MBD5: variants seen among roughly 807,000 people sequenced by gnomAD.
MBD5 encodes methyl-CpG binding domain protein 5.
A neutral mutation model predicts 117.3 loss-of-function variants in MBD5; 13 were observed. The ratio of observed to expected loss-of-function variants is 0.11; its 90% CI spans 0.07 to 0.18. MBD5 has a LOEUF of 0.18. MBD5 is among the 10% of genes least tolerant of loss of function. The pLI, the probability that MBD5 is intolerant of heterozygous loss-of-function variation, is 1.00. For synonymous variants in MBD5, 727 were observed against 766.4 expected (o/e 0.95, Z 0.85); for missense variants, 1,879 against 2,093.8 (o/e 0.90, Z 2.00).
intron 2 of MBD5, among the ~76,000 whole-genome samples, chr2:148,199,606 A>T (rs1699084702): frequency 6.6e-6 from 1 of 152,002 alleles, no homozygotes. Context: ...CATCTCTACA[A>T]AAAATAGCTT....
At position 148,481,371 on chromosome 2, in the gene MBD5, A is replaced by G. The variant is rs1015932289; in HGVS notation, c.2519-1739A>G. ...TTATATTCATATTACTGTTACAACT[A>G]TGGAAACATTTCTGTGTATTTGGAT... On this transcript the variant is annotated intron_variant, in intron 8 of 13. Coordinates refer to ENST00000642680, the MANE Select transcript of MBD5 (RefSeq NM_001378120.1). Among the ~76,000 whole-genome samples the G allele has an allele frequency of 3.3e-5, 5 of 152,332 alleles. No individual in the cohort carries two copies. In the South Asian group the frequency reaches 1.0e-3, roughly 32 times the overall value.
rs775650772 is a variant in MBD5 at position 148,483,090 on chromosome 2, T to G, written c.2519-20T>G. ...CATGATTAATAACTGGGTTTTGTGT[T>G]TTTTTTTTTTTCATTTTAGGCGGTT... On this transcript the variant is annotated intron_variant, in intron 8 of 13. Transcript: ENST00000642680. 2.3e-3 allele frequency: 1,219 copies of G among 529,630 alleles called. No homozygotes were observed. The highest frequency in any genetic ancestry group is 2.6e-3 in the Non-Finnish European group (1,089 of 422,862). 32.8% of individuals were successfully genotyped at this position (529,630 alleles called of 1,614,324 possible).
chr2:148,097,190 A>G (rs1696091308), intron 1 of MBD5, among the ~76,000 whole-genome samples: 1 of 152,212 alleles, frequency 6.6e-6, no homozygotes, highest in African/African-American at 2.4e-5. Context: ...CTTTTAGCTA[A>G]GATGAAAAGT....
intron 3 of MBD5, among the ~76,000 whole-genome samples, chr2:148,321,813 C>G (rs1268881281): frequency 6.6e-6 from 1 of 152,098 alleles, no homozygotes; most frequent in East Asian, 1.9e-4. Flanking sequence ...GTCTTGAACT[C>G]CTGACCTAAA....
At chr2:148,390,598 TG>T (rs1704544128) in intron 4 of MBD5, among the ~76,000 whole-genome samples, 1 of 151,150 alleles carries the variant, frequency 6.6e-6, no homozygotes, top group African/African-American at 2.4e-5. Context: ...CTTTTTGAGA[TG>T]GGGTCTCACT....
intron 4 of MBD5, among the ~76,000 whole-genome samples, chr2:148,442,077 G>A (rs1706343907): frequency 6.6e-6 from 1 of 151,920 alleles, no homozygotes; most frequent in Admixed American, 6.6e-5. Flanking sequence ...TCTGATGGTA[G>A]TTTCTTTGCT....
At chr2:148,072,154 T>C (rs1695373111) in intron 1 of MBD5, 1 of 152,158 alleles carries the variant, frequency 6.6e-6, no homozygotes, top group Admixed American at 6.5e-5. Context: ...TACTATTCAA[T>C]ATAATAATAG....
intron 1 of MBD5, among the ~76,000 whole-genome samples, chr2:148,154,812 C>T (rs1220498981): frequency 3.3e-5 from 5 of 152,274 alleles, no homozygotes; most frequent in East Asian, 3.9e-4. Context: ...CACACACCCA[C>T]TGACCTGCGC....
chr2:148,047,946 TAGAA>T (rs1339520606), intron 1 of MBD5, among the ~76,000 whole-genome samples: 1 of 152,206 alleles, frequency 6.6e-6, no homozygotes. Context: ...TTGTTTATTT[TAGAA>T]AGCCTCACAA....
intron 1 of MBD5, among the ~76,000 whole-genome samples, chr2:148,038,520 CAAAAAAA>C (rs59293929): frequency 1.3e-4 from 11 of 83,254 alleles, no homozygotes; most frequent in Admixed American, 7.7e-4. Flanking sequence ...TGATTGCTGA[CAAAAAAA>C]AAAAAAAGGA....
chr2:148,427,540 C>CA (rs1481047745), intron 4 of MBD5, among the ~76,000 whole-genome samples: 8 of 150,584 alleles, frequency 5.3e-5, no homozygotes, highest in South Asian at 2.1e-4. Context: ...ATCACAAGGA[C>CA]AAAAAACCAA....
intron 3 of MBD5, among the ~76,000 whole-genome samples, chr2:148,239,481 T>A (rs1233198964): frequency 4.6e-5 from 7 of 152,172 alleles, no homozygotes; most frequent in Non-Finnish European, 1.0e-4. Context: ...CTTATAGTTA[T>A]ATTTTGTAAA....
At chr2:148,453,961 A>G (rs1461141095) in intron 4 of MBD5, among the ~76,000 whole-genome samples, 1 of 152,144 alleles carries the variant, frequency 6.6e-6, no homozygotes, top group Non-Finnish European at 1.5e-5. Flanking sequence ...ATGTTAGCAA[A>G]TAATTTTAAA....
chr2:148,063,505 G>A (rs906611600), intron 1 of MBD5, among the ~76,000 whole-genome samples: 5 of 151,944 alleles, frequency 3.3e-5, no homozygotes, highest in African/African-American at 7.3e-5. Flanking sequence ...TGCAAAAGCA[G>A]CCATTGACAA....
chr2:148,038,407 T>C (rs2105653406), intron 1 of MBD5, among the ~76,000 whole-genome samples: 1 of 151,872 alleles, frequency 6.6e-6, no homozygotes, highest in African/African-American at 2.4e-5. Flanking sequence ...GGTTCCTAAA[T>C]CTCATCTCTA....
In MBD5 at chr2:148,468,899, C is replaced by G; in HGVS notation, c.956C>G (p.Thr319Ser). The change falls in exon 8 of 14, where the codon ACT (threonine) becomes AGT (serine). Residue 319 changes from threonine (T) to serine (S), a missense_variant. Physicochemically the swap from Thr to Ser is moderately conservative, Grantham distance 58. Coordinates refer to ENST00000642680, the MANE Select transcript of MBD5 (RefSeq NM_001378120.1). The stretch of plus-strand genomic sequence containing the variant: ...AAAAAACCAATGTGTAATTTTTCAA[C>G]TAATATGGAAATACCACGAGCAATG... Reference protein sequence around the residue: ...VMKKPMCNFSTNMEIPRAMFH... With the variant: ...VMKKPMCNFSSNMEIPRAMFH... 1 of 1,613,896 alleles carries G rather than the reference C, an allele frequency of 6.2e-7. No homozygotes were observed. Among genetic ancestry groups the G allele is most frequent in the Non-Finnish European group, 8.5e-7 (1 of 1,179,894 alleles).
chr2:148,441,595 A>G (rs1463086207), intron 4 of MBD5, among the ~76,000 whole-genome samples: 7 of 152,320 alleles, frequency 4.6e-5, no homozygotes, highest in African/African-American at 1.7e-4. Flanking sequence ...TAGCAGCATG[A>G]CTTATAATCC....
intron 11 of MBD5, among the ~76,000 whole-genome samples, chr2:148,498,568 C>T (rs1681773503): frequency 6.6e-6 from 1 of 152,158 alleles, no homozygotes; most frequent in Non-Finnish European, 1.5e-5. Flanking sequence ...GAACTCCTGA[C>T]CTCATGATCC....
intron 3 of MBD5, among the ~76,000 whole-genome samples, chr2:148,309,772 C>G (rs930000455): frequency 1.3e-5 from 2 of 152,152 alleles, no homozygotes; most frequent in African/African-American, 2.4e-5. Context: ...TTTGCCCATT[C>G]AGTATGATAT....
Sources: allele counts gnomAD v4.1 joint callset (sites outside exome capture counted in the v4.1 genomes callset), GRCh38; gene constraint gnomAD v4.1.1; transcripts MANE v1.5; gene names NCBI Gene and HGNC (gene_info 2026-07-23, HGNC 2026-07-21).